Variants in RFFL observed in about 807,000 individuals in gnomAD.
The protein encoded by RFFL is E3 ubiquitin-protein ligase rififylin.
A neutral mutation model predicts 40.4 loss-of-function variants in RFFL; 16 were observed. The ratio of observed to expected loss-of-function variants is 0.40; its 90% confidence interval spans 0.27 to 0.60. The LOEUF is 0.60. RFFL is among the 20% of genes least tolerant of loss of function. The pLI is 0.47. For synonymous variants in RFFL, 154 were observed against 167.9 expected (o/e 0.92, Z 0.64); for missense variants, 367 against 451.7 (o/e 0.81, Z 1.70).
At chr17:35,083,762 C>CA (rs2091414898) in intron 1 of RFFL, among the ~76,000 whole-genome samples, 1 of 142,658 alleles carries the variant, frequency 7.0e-6, no homozygotes, top group Non-Finnish European at 1.5e-5. Context: ...GCCTAGGTGA[C>CA]AGAGCAAGAC....
At chr17:35,058,681 G>T (rs1346365284) in intron 1 of RFFL, among the ~76,000 whole-genome samples, 1 of 152,246 alleles carries the variant, frequency 6.6e-6, no homozygotes, top group East Asian at 1.9e-4. Context: ...TGAGGCAAGA[G>T]AATCACTTGA....
intron 1 of RFFL, among the ~76,000 whole-genome samples, chr17:35,060,652 T>C (rs1207241952): frequency 2.0e-5 from 3 of 152,230 alleles, no homozygotes; most frequent in Admixed American, 6.5e-5. Context: ...AAATTAACTT[T>C]GAATGATTAC....
intron 1 of RFFL, among the ~76,000 whole-genome samples, chr17:35,079,676 A>G (rs1487761170): frequency 6.6e-6 from 1 of 152,174 alleles, no homozygotes; most frequent in Non-Finnish European, 1.5e-5. Context: ...AACATTTCAG[A>G]GTTGGGAAAC....
In RFFL at chr17:35,016,489, C is replaced by T. The variant is rs559325960; in HGVS notation, c.767G>A (p.Arg256Gln). The change falls in exon 5 of 7, where the codon CGG becomes CAG. Residue 256 changes from arginine (R) to glutamine (Q), a missense_variant. Physicochemically the swap from Arg to Gln is conservative, Grantham distance 43 (BLOSUM62 1). Transcript: ENST00000394597. ...DLEDIEGLTV[R>Q]QLKEILARNF... is the part of the protein sequence containing the mutation. ...GCGAGCCAAGATCTCTTTCAGCTGC[C>T]GCACTGTCAGGCCTTCAATGTCCTC... is the stretch of plus-strand genomic sequence containing the variant. The T allele has an allele frequency of 6.8e-6, 11 of 1,614,200 alleles. No homozygotes were observed. Among genetic ancestry groups the T allele is most frequent in the African/African-American group, 4.0e-5 (3 of 75,048 alleles).
chr17:35,022,075 A>T (rs1452500307), intron 2 of RFFL, among the ~76,000 whole-genome samples: 1 of 152,248 alleles, frequency 6.6e-6, no homozygotes, highest in Non-Finnish European at 1.5e-5. Flanking sequence ...GGTATTAATT[A>T]AGACTACCAG....
chr17:35,077,375 C>T (rs545325770), intron 1 of RFFL, among the ~76,000 whole-genome samples: 9 of 152,294 alleles, frequency 5.9e-5, no homozygotes, highest in African/African-American at 1.4e-4. Flanking sequence ...GGCCCATTCA[C>T]GTCAAGATAA....
intron 1 of RFFL, among the ~76,000 whole-genome samples, chr17:35,074,846 A>G (rs976879639): frequency 6.6e-6 from 1 of 152,206 alleles, no homozygotes; most frequent in African/African-American, 2.4e-5. Flanking sequence ...GCCTTCCCCT[A>G]ACTCCCACTG....
At chr17:35,023,395 A>C (rs76059751) in intron 2 of RFFL, among the ~76,000 whole-genome samples, 1 of 152,362 alleles carries the variant, frequency 6.6e-6, no homozygotes, top group Non-Finnish European at 1.5e-5. Context: ...AAGACTTAGA[A>C]GGCATTGCAA....
At chr17:35,022,970 C>T (rs2091018928) in intron 2 of RFFL, among the ~76,000 whole-genome samples, 1 of 152,222 alleles carries the variant, frequency 6.6e-6, no homozygotes, top group African/African-American at 2.4e-5. Context: ...ACTCAGCCCA[C>T]AGGAAGCAAT....
chr17:35,042,149 C>A (rs745564924), intron 1 of RFFL: 1 of 152,212 alleles, frequency 6.6e-6, no homozygotes, highest in Non-Finnish European at 1.5e-5. Flanking sequence ...CTTGGTGGGA[C>A]AGGCCCTGAC....
intron 2 of RFFL, among the ~76,000 whole-genome samples, chr17:35,026,037 G>A (rs1242813613): frequency 6.6e-6 from 1 of 152,142 alleles, no homozygotes; most frequent in Non-Finnish European, 1.5e-5. Flanking sequence ...TGGCTTTCTT[G>A]TCTCACTTTA....
chr17:35,026,902 C>A (rs2091044877), intron 1 of RFFL, among the ~76,000 whole-genome samples: 2 of 152,066 alleles, frequency 1.3e-5, no homozygotes, highest in South Asian at 2.1e-4. Flanking sequence ...TGGGATTTCA[C>A]CACATTGGCC....
chr17:35,037,801 A>G (rs1371014421), intron 1 of RFFL, among the ~76,000 whole-genome samples: 1 of 152,150 alleles, frequency 6.6e-6, no homozygotes, highest in Non-Finnish European at 1.5e-5. Context: ...CCTGTGGCCC[A>G]TCCCCTCTGA....
chr17:35,062,245 A>C (rs1397057321), intron 1 of RFFL, among the ~76,000 whole-genome samples: 1 of 151,994 alleles, frequency 6.6e-6, no homozygotes, highest in Non-Finnish European at 1.5e-5. Context: ...TCTACTAAAA[A>C]TACAAAAATT....
intron 1 of RFFL, among the ~76,000 whole-genome samples, chr17:35,050,738 C>T (rs2091226849): frequency 6.6e-6 from 1 of 152,120 alleles, no homozygotes; most frequent in African/African-American, 2.4e-5. Context: ...TTTGGAAGGC[C>T]GAGGCGGGCA....
intron 1 of RFFL, chr17:35,089,056 C>A: frequency 6.5e-6 from 1 of 153,962 alleles, no homozygotes; most frequent in South Asian, 2.0e-4. Flanking sequence ...CGTCCTTCCC[C>A]AGGCCGGGCG....
At chr17:35,054,912 T>A (rs2091251362) in intron 1 of RFFL, among the ~76,000 whole-genome samples, 1 of 151,034 alleles carries the variant, frequency 6.6e-6, no homozygotes, top group Non-Finnish European at 1.5e-5. Flanking sequence ...TAAACACCGA[T>A]CCAACAGCTT....
intron 1 of RFFL, among the ~76,000 whole-genome samples, chr17:35,062,131 G>C (rs1239691203): frequency 1.3e-5 from 2 of 151,984 alleles, no homozygotes; most frequent in Non-Finnish European, 2.9e-5. Context: ...AAGGCCGGGC[G>C]CGGTGGCTCA....
rs111664518 is a variant in RFFL, at chr17:35,062,133, G to A, written c.-9+1443C>T. Among the ~76,000 whole-genome samples the A allele has an allele frequency of 6.5e-3, 983 of 152,090 alleles. 11 individuals carry two copies. Among genetic ancestry groups the A allele is most frequent in the African/African-American group, 0.022 (925 of 41,498 alleles). ...AAAAAGAATGAACAAGGCCGGGCGC[G>A]GTGGCTCACACCTGTAAACCCAGCA... On this transcript the variant is annotated intron_variant, in intron 1 of 6. Coordinates refer to ENST00000394597, the MANE Select transcript of RFFL (RefSeq NM_001017368.2).
Sources: gnomAD v4.1 joint callset for allele counts (sites outside exome capture counted in the v4.1 genomes callset) on GRCh38, gnomAD v4.1.1 for gene constraint, MANE v1.5 for transcripts, NCBI Gene and HGNC (gene_info 2026-07-23, HGNC 2026-07-21) for gene names.